KLF12: variants seen among roughly 807,000 people sequenced by gnomAD.
KLF12 encodes Krueppel-like factor 12.
KLF12 carries 9 observed loss-of-function variants against 37.8 expected under a neutral mutation model. The ratio of observed to expected loss-of-function variants is 0.24; its 90% CI spans 0.14 to 0.42. The LOEUF (loss-of-function observed/expected upper bound fraction) is 0.42, where lower values mean the gene tolerates loss of function less well. Ranked by LOEUF, KLF12 falls within the 10% of genes least tolerant of loss-of-function variation. The probability of loss-of-function intolerance (pLI) is 1.00; values close to 1 mark genes in which losing one functional copy is unlikely to be tolerated. For synonymous variants in KLF12, 208 were observed against 202.1 expected, an observed-to-expected ratio of 1.03 and a Z score of -0.25; for missense variants, 411 against 516.0, an observed-to-expected ratio of 0.80 and a Z score of 1.97.
chr13:73,857,429 A>C (rs1189101113), intron 3 of KLF12, among the ~76,000 whole-genome samples: 1 of 152,240 alleles, frequency 6.6e-6, no homozygotes, highest in Non-Finnish European at 1.5e-5. Flanking sequence ...GAGTCTAGGG[A>C]AACTTCATAT....
chr13:73,806,146 C>T (rs1333806878), intron 5 of KLF12, among the ~76,000 whole-genome samples: 1 of 142,534 alleles, frequency 7.0e-6, no homozygotes, highest in Admixed American at 7.2e-5. Context: ...AAGTCTCACT[C>T]TTGTTGCCCA....
chr13:74,112,694 C>T (rs1210734244), intron 1 of KLF12, among the ~76,000 whole-genome samples: 2 of 152,142 alleles, frequency 1.3e-5, no homozygotes, highest in East Asian at 3.9e-4. Context: ...ACTGGCAATT[C>T]CTTCATCTCT....
At chr13:74,053,230 A>AT (rs1204141009) in intron 1 of KLF12, among the ~76,000 whole-genome samples, 2 of 152,072 alleles carry the variant, frequency 1.3e-5, no homozygotes, top group Non-Finnish European at 2.9e-5. Context: ...GAAAAATTCC[A>AT]TTTGCCATTT....
upstream of KLF12, among the ~76,000 whole-genome samples, chr13:74,137,019 A>AGT (rs144633568): frequency 3.9e-5 from 6 of 152,098 alleles, no homozygotes; most frequent in African/African-American, 7.2e-5. Context: ...TCACTAGAGG[A>AGT]GTGTGTGTGT....
At chr13:74,267,293 C>T in the KLF12 span, among the ~76,000 whole-genome samples, 1 of 152,166 alleles carries the variant, frequency 6.6e-6, no homozygotes, top group African/African-American at 2.4e-5. Context: ...CTAAATCCAT[C>T]AAAATGTATC....
chr13:74,250,828 C>T, the KLF12 span, among the ~76,000 whole-genome samples: 5 of 152,058 alleles, frequency 3.3e-5, no homozygotes, highest in South Asian at 2.1e-4. Context: ...GTCATCACCT[C>T]GAAAAAGCAG....
At chr13:73,802,532 G>A (rs1882336159) in intron 5 of KLF12, among the ~76,000 whole-genome samples, 1 of 152,072 alleles carries the variant, frequency 6.6e-6, no homozygotes, top group Non-Finnish European at 1.5e-5. Flanking sequence ...TGGGTATACT[G>A]TGTGATGCTG....
chr13:73,914,785 CTA>C (rs1216622600), intron 3 of KLF12, among the ~76,000 whole-genome samples: 5 of 152,080 alleles, frequency 3.3e-5, no homozygotes, highest in African/African-American at 1.2e-4. Flanking sequence ...GGCAGGGGAA[CTA>C]TGTGTTTTCC....
At chr13:74,048,445 G>A (rs1275001300) in intron 1 of KLF12, among the ~76,000 whole-genome samples, 3 of 151,514 alleles carry the variant, frequency 2.0e-5, no homozygotes, top group Non-Finnish European at 2.9e-5. Flanking sequence ...CCCAAAATGA[G>A]AACTTTTAGG....
intron 1 of KLF12, among the ~76,000 whole-genome samples, chr13:73,996,901 A>C (rs1402013279): frequency 6.6e-6 from 1 of 152,182 alleles, no homozygotes; most frequent in Non-Finnish European, 1.5e-5. Flanking sequence ...TAAGGATGAA[A>C]CTGATCAGAG....
chr13:74,229,541 G>A, the KLF12 span, among the ~76,000 whole-genome samples: 1 of 152,162 alleles, frequency 6.6e-6, no homozygotes, highest in East Asian at 1.9e-4. Context: ...AGACTTGAAA[G>A]GGTGAGAATT....
At chr13:74,245,523 A>G in the KLF12 span, among the ~76,000 whole-genome samples, 1 of 152,190 alleles carries the variant, frequency 6.6e-6, no homozygotes, top group Non-Finnish European at 1.5e-5. Context: ...GAATGTTAAC[A>G]TTGTAAATGA....
rs574023350 is a variant in KLF12, at chr13:73,851,164, A to G, written c.124-4791T>C. Among the ~76,000 whole-genome samples the G allele has an allele frequency of 3.3e-5, 5 of 152,326 alleles. No individual in the cohort carries two copies. In the South Asian group the frequency reaches 1.0e-3, roughly 32 times the overall value. ...GAGAAATGAGAGAGACAAGCAAATG[A>G]GCAGAACTTCCTCCGGTTAGAACTA... On this transcript the variant is annotated intron_variant, in intron 3 of 7. Coordinates refer to ENST00000377669, the MANE Select transcript of KLF12 (RefSeq NM_007249.5).
chr13:73,820,127 G>C (rs1462603446), intron 4 of KLF12, among the ~76,000 whole-genome samples: 1 of 152,154 alleles, frequency 6.6e-6, no homozygotes, highest in African/African-American at 2.4e-5. Flanking sequence ...TTTATCATTT[G>C]ATAAGGATCC....
At chr13:74,055,270 C>T (rs1199023931) in intron 1 of KLF12, among the ~76,000 whole-genome samples, 1 of 152,202 alleles carries the variant, frequency 6.6e-6, no homozygotes, top group African/African-American at 2.4e-5. Context: ...ACTTCTATTT[C>T]TCAAATCCAT....
intron 1 of KLF12, among the ~76,000 whole-genome samples, chr13:74,084,288 A>C (rs986898961): frequency 6.6e-6 from 1 of 152,192 alleles, no homozygotes; most frequent in African/African-American, 2.4e-5. Context: ...AAAAGTGTCA[A>C]CATAAAACAC....
At chr13:74,141,636 G>C in the KLF12 span, among the ~76,000 whole-genome samples, 2 of 152,104 alleles carry the variant, frequency 1.3e-5, no homozygotes, top group African/African-American at 2.4e-5. Context: ...TTATTTTCCT[G>C]CTCCCTTTCT....
chr13:74,104,722 A>G (rs1212012646), intron 1 of KLF12, among the ~76,000 whole-genome samples: 1 of 152,226 alleles, frequency 6.6e-6, no homozygotes, highest in Non-Finnish European at 1.5e-5. Flanking sequence ...TAAATCTGAC[A>G]ACTTCTAAAT....
chr13:73,850,496 A>G (rs1885278198), intron 3 of KLF12, among the ~76,000 whole-genome samples: 1 of 152,212 alleles, frequency 6.6e-6, no homozygotes. Flanking sequence ...GAACAAAACA[A>G]TTTTAAATGA....
Sources: allele counts gnomAD v4.1 joint callset (sites outside exome capture counted in the v4.1 genomes callset), GRCh38; gene constraint gnomAD v4.1.1; transcripts MANE v1.5; gene names NCBI Gene and HGNC (gene_info 2026-07-23, HGNC 2026-07-21).